CHODL: variants seen among roughly 807,000 people sequenced by gnomAD.
CHODL encodes the protein chondrolectin, also known as transmembrane protein MT75.
A neutral mutation model predicts 34.5 loss-of-function variants in CHODL; 29 were observed. The observed-to-expected ratio is 0.84, with a 90% CI of 0.63 to 1.15. The LOEUF is 1.15. Ranked by LOEUF, CHODL falls within the 50% of genes most tolerant of loss-of-function variation. CHODL has a pLI of 0.00. For missense variants in CHODL, 332 were observed against 332.5 expected (o/e 1.00, Z 0.01); for synonymous variants, 125 against 116.1 (o/e 1.08, Z -0.49).
At chr21:17,946,878 G>T (rs887502218) in intron 1 of CHODL, among the ~76,000 whole-genome samples, 2 of 152,114 alleles carry the variant, frequency 1.3e-5, no homozygotes, top group African/African-American at 4.8e-5. Flanking sequence ...TTTAATTGGA[G>T]AATTTAATCC....
chr21:18,177,045 G>A (rs551366775), intron 2 of CHODL, among the ~76,000 whole-genome samples: 1 of 151,874 alleles, frequency 6.6e-6, no homozygotes, highest in East Asian at 1.9e-4. Context: ...ATAACAAAAT[G>A]TTATTAAAAT....
chr21:18,177,120 A>G (rs2073325326), intron 2 of CHODL, among the ~76,000 whole-genome samples: 1 of 152,110 alleles, frequency 6.6e-6, no homozygotes, highest in African/African-American at 2.4e-5. Flanking sequence ...TCATCAAAAA[A>G]GTCCAAAGTG....
At chr21:17,964,818 A>C (rs138022931) in intron 1 of CHODL, among the ~76,000 whole-genome samples, 2 of 152,322 alleles carry the variant, frequency 1.3e-5, no homozygotes, top group African/African-American at 4.8e-5. Flanking sequence ...ATTTTGATCA[A>C]GTTAACCAGA....
intron 2 of CHODL, among the ~76,000 whole-genome samples, chr21:18,084,801 T>C (rs157054): frequency 0.41 from 62,836 of 151,846 alleles, 14,067 homozygotes; most frequent in Non-Finnish European, 0.51. Context: ...TAAAATCCAA[T>C]CTAAGCCTAA....
At chr21:18,239,561 T>G (rs374122545) in intron 2 of CHODL, among the ~76,000 whole-genome samples, 200 of 152,228 alleles carry the variant, frequency 1.3e-3, no homozygotes, top group African/African-American at 4.7e-3. Flanking sequence ...GAGAAACATT[T>G]AATATTTATG....
chr21:17,994,004 T>G (rs940529493), intron 1 of CHODL, among the ~76,000 whole-genome samples: 17 of 152,236 alleles, frequency 1.1e-4, no homozygotes, highest in African/African-American at 3.9e-4. Flanking sequence ...TTTCTTTTTT[T>G]CTTGGTTAGT....
At chr21:18,202,843 T>C (rs2146711441) in intron 2 of CHODL, among the ~76,000 whole-genome samples, 1 of 152,322 alleles carries the variant, frequency 6.6e-6, no homozygotes, top group Admixed American at 6.5e-5. Context: ...ACCTTAAAAG[T>C]GTAATATTCT....
chr21:18,022,512 G>T (rs1205708585), intron 1 of CHODL: 2 of 152,292 alleles, frequency 1.3e-5, no homozygotes, highest in South Asian at 4.1e-4. Context: ...AAATATCTTT[G>T]AGGGGCTATT....
chr21:18,144,602 G>A (rs564689112), intron 2 of CHODL, among the ~76,000 whole-genome samples: 113 of 152,122 alleles, frequency 7.4e-4, no homozygotes, highest in African/African-American at 2.6e-3. Flanking sequence ...TCCATCATAC[G>A]ACAAGCTCTC....
chr21:17,998,805 C>T (rs1411180204), intron 1 of CHODL, among the ~76,000 whole-genome samples: 1 of 152,234 alleles, frequency 6.6e-6, no homozygotes, highest in Non-Finnish European at 1.5e-5. Flanking sequence ...GCCCACAAAA[C>T]CACTTTTTCC....
chr21:18,147,519 A>G (rs1326998275), intron 2 of CHODL, among the ~76,000 whole-genome samples: 1 of 152,248 alleles, frequency 6.6e-6, no homozygotes, highest in Non-Finnish European at 1.5e-5. Context: ...TGGCTTATAG[A>G]CATAATTTCT....
intron 2 of CHODL, among the ~76,000 whole-genome samples, chr21:18,157,306 C>T (rs1249737809): frequency 1.3e-5 from 2 of 151,484 alleles, no homozygotes; most frequent in Non-Finnish European, 3.0e-5. Flanking sequence ...ATCTTCCTAA[C>T]TACCATCAAT....
At chr21:18,221,051 G>A (rs2073878453) in intron 2 of CHODL, among the ~76,000 whole-genome samples, 1 of 152,030 alleles carries the variant, frequency 6.6e-6, no homozygotes, top group African/African-American at 2.4e-5. Context: ...ACTTGAGGGT[G>A]TCCCATGTGT....
chr21:17,918,813 A>C (rs773649317), intron 1 of CHODL, among the ~76,000 whole-genome samples: 2 of 152,222 alleles, frequency 1.3e-5, no homozygotes, highest in Non-Finnish European at 2.9e-5. Flanking sequence ...ACGAGCCTGT[A>C]AAATCAAAAG....
At chr21:18,106,008 C>G (rs1346970974) in intron 2 of CHODL, among the ~76,000 whole-genome samples, 2 of 152,278 alleles carry the variant, frequency 1.3e-5, no homozygotes, top group East Asian at 3.9e-4. Context: ...CACCTAAATT[C>G]TAGGAGCAAA....
At chr21:18,057,639 CCT>C (rs1262059040) in intron 2 of CHODL, among the ~76,000 whole-genome samples, 3 of 151,894 alleles carry the variant, frequency 2.0e-5, no homozygotes, top group Non-Finnish European at 2.9e-5. Flanking sequence ...TAAAAAACCC[CCT>C]GTGCCCTGCC....
chr21:18,152,810 G>A (rs546304873), intron 2 of CHODL, among the ~76,000 whole-genome samples: 1 of 152,154 alleles, frequency 6.6e-6, no homozygotes, highest in Non-Finnish European at 1.5e-5. Flanking sequence ...TTAGAATTCT[G>A]CCCACTATAT....
intron 5 of CHODL, among the ~76,000 whole-genome samples, chr21:18,263,925 G>T (rs1464743876): frequency 1.4e-5 from 2 of 139,558 alleles, no homozygotes; most frequent in Non-Finnish European, 3.1e-5. Context: ...TTACCATTTA[G>T]ACCACTTTTG....
intron 2 of CHODL, among the ~76,000 whole-genome samples, chr21:18,126,307 T>G (rs2065543244): frequency 6.6e-6 from 1 of 152,260 alleles, no homozygotes; most frequent in Non-Finnish European, 1.5e-5. Flanking sequence ...TAAAGTATTT[T>G]AAATTATGGC....
Sources: gnomAD v4.1 joint callset for allele counts (sites outside exome capture counted in the v4.1 genomes callset) on GRCh38, gnomAD v4.1.1 for gene constraint, MANE v1.5 for transcripts, NCBI Gene and HGNC (gene_info 2026-07-23, HGNC 2026-07-21) for gene names.